Variants in RNASE6 observed in about 807,000 individuals in gnomAD.
The protein encoded by RNASE6 is ribonuclease K6.
For missense variants in RNASE6, 197 were observed against 181.9 expected (o/e 1.08, Z -0.48); for synonymous variants, 64 against 63.6 (o/e 1.01, Z -0.03).
At position 20,782,116 on chromosome 14, in the gene RNASE6, C is replaced by A. The variant is rs750441785; in HGVS notation, c.417C>A (p.Tyr139Ter). Residue 139 changes from tyrosine to a stop codon, truncating the protein, a stop_gained, in exon 2 of 2, where the codon TAC (tyrosine) becomes TAA (stop). Coordinates refer to ENST00000304677, the MANE Select transcript of RNASE6 (RefSeq NM_005615.5). LOFTEE classifies it high-confidence loss of function. ...CDPPQKSDPP[Y>*]KLVPVHLDSI... The stretch of plus-strand genomic sequence containing the variant: ...CCCCTCAGAAGAGCGATCCCCCCTA[C>A]AAGTTGGTTCCTGTACACTTAGATA... 1.1e-5 allele frequency: 18 copies of A among 1,611,376 alleles called. No individual in the cohort carries two copies. The highest frequency in any genetic ancestry group is 1.4e-5 in the Non-Finnish European group (17 of 1,178,550).
In RNASE6 at chr14:20,782,244, G is replaced by T. The variant is rs771011058; in HGVS notation, c.*92G>T. 6.4e-6 allele frequency: 8 copies of T among 1,252,832 alleles called. No homozygotes were observed. Among genetic ancestry groups the T allele is most frequent in the Non-Finnish European group, 8.9e-6 (8 of 900,908 alleles). 77.6% of individuals were successfully genotyped at this position (1,252,832 alleles called of 1,614,324 possible). A position where few individuals can be genotyped will look rare whatever the true frequency, so the allele number is the denominator to read the frequency against. ...TTTTGTTGATTTTCTTGTTCCCGTAGAAGAAAGAAGAAAGGTGTTTGGAGA... is the reference window on the plus strand; with the variant it reads ...TTTTGTTGATTTTCTTGTTCCCGTATAAGAAAGAAGAAAGGTGTTTGGAGA... On this transcript the variant is annotated 3_prime_UTR_variant, in exon 2 of 2. Transcript: ENST00000304677.
chr14:20,782,267 A>G lies in RNASE6; in HGVS notation c.*115A>G. On this transcript the variant is annotated 3_prime_UTR_variant, in exon 2 of 2. Coordinates refer to ENST00000304677, the MANE Select transcript of RNASE6 (RefSeq NM_005615.5). ...TAGAAGAAAGAAGAAAGGTGTTTGG[A>G]GAATTCGAGTGCCTAGGATGCCAGA... 9.4e-7 allele frequency: 1 copy of G among 1,066,390 alleles called. No homozygotes were observed. The highest frequency in any genetic ancestry group is 1.6e-5 in the South Asian group (1 of 61,110). The allele number at this position is 1,066,390 out of a possible 1,614,324, so 66.1% of individuals were successfully genotyped here. A position where few individuals can be genotyped will look rare whatever the true frequency, so the allele number is the denominator to read the frequency against.
rs1178868326 is a variant in RNASE6 at position 20,781,686 on chromosome 14, T to C, written c.-5-9T>C. ...TCCTACTATAACTATCTTCTCTCTT[T>C]CTACACAGAAAAGATGGTGCTATGC... On this transcript the variant is annotated splice_polypyrimidine_tract_variant and intron_variant, in intron 1 of 1. Coordinates refer to ENST00000304677, the MANE Select transcript of RNASE6 (RefSeq NM_005615.5). 1 of 1,566,100 alleles carries C rather than the reference T, an allele frequency of 6.4e-7. No homozygotes were observed. Among genetic ancestry groups the C allele is most frequent in the Non-Finnish European group, 8.6e-7 (1 of 1,157,412 alleles).
rs1878667493 is a variant in RNASE6, at chr14:20,781,996, C to G, written c.297C>G (p.Val99=). Residue 99 remains valine (V), a synonymous_variant, in exon 2 of 2, where the codon GTC becomes GTG. Coordinates refer to ENST00000304677, the MANE Select transcript of RNASE6 (RefSeq NM_005615.5). ...ACTGCCACCAGAGCTCAAAGCCTGT[C>G]AACATGACTGACTGCAGACTCACTT... ...RHNCHQSSKP[V]NMTDCRLTSG... is the part of the protein sequence containing the mutation. 1 of 1,614,100 alleles carries G rather than the reference C, an allele frequency of 6.2e-7. No individual in the cohort carries two copies. The highest frequency in any genetic ancestry group is 1.1e-5 in the South Asian group (1 of 91,092).
Position 20,781,321 on chromosome 14 carries a change from C to T in RNASE6, c.-23C>T, listed in dbSNP as rs1359495442. On this transcript the variant is annotated 5_prime_UTR_variant, in exon 1 of 2. Transcript: ENST00000304677. Reference sequence around the variant, plus strand: ...TCACAGCCTCTGTTCTCAGCAGGAGCCCCAACACTGAGACCAGGTAAGAAA... The same window carrying T: ...TCACAGCCTCTGTTCTCAGCAGGAGTCCCAACACTGAGACCAGGTAAGAAA... The T allele has an allele frequency of 5.1e-6, 1 of 194,914 alleles. No homozygotes were observed. The highest frequency in any genetic ancestry group is 5.3e-5 in the Admixed American group (1 of 18,892). The allele number at this position is 194,914 out of a possible 1,614,324, so 12.1% of individuals were successfully genotyped here.
At position 20,782,242 on chromosome 14, in the gene RNASE6, TAGAAGAA is replaced by T; in HGVS notation, c.*100_*106del. The T allele has an allele frequency of 7.7e-7, 1 of 1,303,954 alleles. No homozygotes were observed. Among genetic ancestry groups the T allele is most frequent in the Non-Finnish European group, 1.1e-6 (1 of 945,794 alleles). The allele number at this position is 1,303,954 out of a possible 1,614,324, so 80.8% of individuals were successfully genotyped here. A position where few individuals can be genotyped will look rare whatever the true frequency, so the allele number is the denominator to read the frequency against. On this transcript the variant is annotated 3_prime_UTR_variant, in exon 2 of 2. Coordinates refer to ENST00000304677, the MANE Select transcript of RNASE6 (RefSeq NM_005615.5). ...TCTTTTGTTGATTTTCTTGTTCCCG[TAGAAGAA>T]AGAAGAAAGGTGTTTGGAGAATTCG...
In RNASE6 at chr14:20,782,440, A is replaced by G; in HGVS notation, c.*288A>G. 1 of 380,738 alleles carries G rather than the reference A, an allele frequency of 2.6e-6. No individual in the cohort carries two copies. The highest frequency in any genetic ancestry group is 4.4e-5 in the Admixed American group (1 of 22,704). 23.6% of individuals were successfully genotyped at this position (380,738 alleles called of 1,614,324 possible). On this transcript the variant is annotated 3_prime_UTR_variant, in exon 2 of 2. Coordinates refer to ENST00000304677, the MANE Select transcript of RNASE6 (RefSeq NM_005615.5). ...AGCTTTATTGCCCTGTGTTCACAGC[A>G]ATAAAACCACTTCCTGCTGCATTCT...
At position 20,781,809 on chromosome 14, in the gene RNASE6, A is replaced by C. The variant is rs929229396; in HGVS notation, c.110A>C (p.Gln37Pro). 16 of 1,614,208 alleles carry C rather than the reference A, an allele frequency of 9.9e-6. No homozygotes were observed. Among genetic ancestry groups the C allele is most frequent in the Non-Finnish European group, 1.4e-5 (16 of 1,180,046 alleles). The change falls in exon 2 of 2, where the codon CAG (glutamine) becomes CCG (proline). Residue 37 changes from glutamine to proline, a missense_variant. Transcript: ENST00000304677. ...RLTKAHWFEI[Q>P]HIQPSPLQCN... is the part of the protein sequence containing the mutation. ...ACCAAGGCTCACTGGTTTGAAATTC[A>C]GCATATACAGCCAAGTCCTCTCCAA...
upstream of RNASE6, chr14:20,781,132 T>G (rs1878630535): frequency 6.5e-6 from 1 of 153,122 alleles, no homozygotes; most frequent in Non-Finnish European, 1.5e-5. Context: ...AGAACAGGTG[T>G]GAAAGTCTAA....
intron 1 of RNASE6, 65 bp from the exon 2 acceptor site, chr14:20,781,630 T>C: frequency 1.6e-6 from 2 of 1,253,718 alleles, no homozygotes; most frequent in East Asian, 2.5e-5. Flanking sequence ...ATCTAAATAG[T>C]TATGATTAAA....
chr14:20,781,615 T>G, intron 1 of RNASE6, 80 bp from the exon 2 acceptor site: 1 of 1,126,270 alleles, frequency 8.9e-7, no homozygotes, highest in Non-Finnish European at 1.2e-6. Flanking sequence ...AAAGGCAAAA[T>G]AAAAATCTAA....
In RNASE6 at chr14:20,782,101, G is replaced by T. The variant is rs778221875; in HGVS notation, c.402G>T (p.Lys134Asn). The T allele has an allele frequency of 6.2e-7, 1 of 1,613,420 alleles. No individual in the cohort carries two copies. The highest frequency in any genetic ancestry group is 8.5e-7 in the Non-Finnish European group (1 of 1,179,650). ...FFIVACDPPQ[K>N]SDPPYKLVPV... ...TTGTTGCCTGTGACCCCCCTCAGAA[G>T]AGCGATCCCCCCTACAAGTTGGTTC... The change falls in exon 2 of 2, where the codon AAG becomes AAT. Residue 134 changes from lysine to asparagine, a missense_variant. Coordinates refer to ENST00000304677, the MANE Select transcript of RNASE6 (RefSeq NM_005615.5).
intron 1 of RNASE6, 129 bp downstream of exon 1, chr14:20,781,467 T>A (rs1168366178): frequency 2.0e-6 from 1 of 498,654 alleles, no homozygotes; most frequent in African/African-American, 1.9e-5. Flanking sequence ...AGCCATCAAA[T>A]GCATGAGTAC....
Position 20,781,872 on chromosome 14 carries a change from A to C in RNASE6, c.173A>C (p.Gln58Pro). Residue 58 changes from glutamine to proline, a missense_variant, in exon 2 of 2, where the codon CAG (glutamine) becomes CCG (proline). Physicochemically the swap from Gln to Pro is moderately conservative, Grantham distance 76. Transcript: ENST00000304677. ...ATGAGTGGCATCAACAATTATACCC[A>C]GCACTGTAAGCATCAAAATACCTTT... The part of the protein sequence containing the change: ...RAMSGINNYT[Q>P]HCKHQNTFLH... The C allele has an allele frequency of 6.2e-7, 1 of 1,614,208 alleles. No individual in the cohort carries two copies. The highest frequency in any genetic ancestry group is 8.5e-7 in the Non-Finnish European group (1 of 1,180,046).
intron 1 of RNASE6, 139 bp downstream of exon 1, chr14:20,781,477 C>T: frequency 1.9e-6 from 1 of 526,636 alleles, no homozygotes; most frequent in East Asian, 3.2e-5. Flanking sequence ...TGCATGAGTA[C>T]TTGTGAAAGA....
Position 20,782,045 on chromosome 14 carries a change from T to C in RNASE6, c.346T>C (p.Tyr116His), listed in dbSNP as rs1368054052. 4 of 1,614,206 alleles carry C rather than the reference T, an allele frequency of 2.5e-6. No homozygotes were observed. Among genetic ancestry groups the C allele is most frequent in the Admixed American group, 1.7e-5 (1 of 60,028 alleles). ...LTSGKYPQCRYSAAAQYKFFI... is the reference protein window; with the variant it reads ...LTSGKYPQCRHSAAAQYKFFI... ...TTCAGGAAAGTATCCCCAGTGCCGC[T>C]ATAGTGCTGCTGCCCAGTACAAATT... The change falls in exon 2 of 2, where the codon TAT becomes CAT. Residue 116 changes from tyrosine to histidine, a missense_variant. Tyr to His is a moderately conservative substitution (Grantham distance 83, BLOSUM62 2). Coordinates refer to ENST00000304677, the MANE Select transcript of RNASE6 (RefSeq NM_005615.5).
At position 20,782,005 on chromosome 14, in the gene RNASE6, T is replaced by G. The variant is rs769375816; in HGVS notation, c.306T>G (p.Thr102=). Residue 102 remains threonine (T), a synonymous_variant, in exon 2 of 2, where the codon ACT becomes ACG. Transcript: ENST00000304677. ...AGAGCTCAAAGCCTGTCAACATGAC[T>G]GACTGCAGACTCACTTCAGGAAAGT... is the stretch of plus-strand genomic sequence containing the variant. ...CHQSSKPVNM[T]DCRLTSGKYP... 6.2e-7 allele frequency: 1 copy of G among 1,614,242 alleles called. No homozygotes were observed. Among genetic ancestry groups the G allele is most frequent in the Non-Finnish European group, 8.5e-7 (1 of 1,180,036 alleles).
Position 20,782,091 on chromosome 14 carries a change from C to A in RNASE6, c.392C>A (p.Pro131His), listed in dbSNP as rs116362224. ...QYKFFIVACDPPQKSDPPYKL... is the reference protein window; with the variant it reads ...QYKFFIVACDHPQKSDPPYKL... ...AAATTCTTCATTGTTGCCTGTGACC[C>A]CCCTCAGAAGAGCGATCCCCCCTAC... The change falls in exon 2 of 2, where the codon CCC becomes CAC. Residue 131 changes from proline (P) to histidine (H), a missense_variant. Physicochemically the swap from Pro to His is moderately conservative, Grantham distance 77. Coordinates refer to ENST00000304677, the MANE Select transcript of RNASE6 (RefSeq NM_005615.5). 3 of 1,613,862 alleles carry A rather than the reference C, an allele frequency of 1.9e-6. No individual in the cohort carries two copies. The highest frequency in any genetic ancestry group is 1.1e-5 in the South Asian group (1 of 91,060).
In RNASE6 at chr14:20,782,441, A is replaced by G; in HGVS notation, c.*289A>G. On this transcript the variant is annotated 3_prime_UTR_variant, in exon 2 of 2. Coordinates refer to ENST00000304677, the MANE Select transcript of RNASE6 (RefSeq NM_005615.5). ...GCTTTATTGCCCTGTGTTCACAGCA[A>G]TAAAACCACTTCCTGCTGCATTCTA... 1 of 377,696 alleles carries G rather than the reference A, an allele frequency of 2.6e-6. No individual in the cohort carries two copies. The highest frequency in any genetic ancestry group is 4.9e-5 in the East Asian group (1 of 20,232). The allele number at this position is 377,696 out of a possible 1,614,324, so 23.4% of individuals were successfully genotyped here. A position where few individuals can be genotyped will look rare whatever the true frequency, so the allele number is the denominator to read the frequency against.
Sources: gnomAD v4.1 joint callset for allele counts on GRCh38, gnomAD v4.1.1 for gene constraint, MANE v1.5 for transcripts, NCBI Gene and HGNC (gene_info 2026-07-23, HGNC 2026-07-21) for gene names.